RTN1: variants seen among roughly 807,000 people sequenced by gnomAD.
RTN1 encodes reticulon 1, also known as reticulon-1.
A neutral mutation model predicts 65.5 loss-of-function variants in RTN1; 25 were observed. That is an observed-to-expected ratio of 0.38 (90% CI 0.28 to 0.53). The LOEUF is 0.53. RTN1 is among the 20% of genes least tolerant of loss of function. The probability of loss-of-function intolerance (pLI) is 0.79; values close to 1 mark genes in which losing one functional copy is unlikely to be tolerated. For missense variants in RTN1, 983 were observed against 1,025.4 expected (o/e 0.96, Z 0.57); for synonymous variants, 471 against 447.6 (o/e 1.05, Z -0.66).
intron 3 of RTN1, among the ~76,000 whole-genome samples, chr14:59,625,077 T>C (rs1295912119): frequency 6.6e-6 from 1 of 152,052 alleles, no homozygotes; most frequent in Admixed American, 6.6e-5. Context: ...TCATTTCAAA[T>C]ATAAGGGAGG....
chr14:59,667,654 A>G (rs921920294), intron 3 of RTN1, among the ~76,000 whole-genome samples: 1 of 152,162 alleles, frequency 6.6e-6, no homozygotes. Context: ...CAATTAGGAA[A>G]TGAGGAAGTC....
intron 3 of RTN1, among the ~76,000 whole-genome samples, chr14:59,647,964 G>T (rs1882935906): frequency 6.6e-6 from 1 of 152,050 alleles, no homozygotes; most frequent in African/African-American, 2.4e-5. Flanking sequence ...AGGAGATCAA[G>T]ACATTAAAAG....
chr14:59,780,929 T>C (rs918753288), intron 1 of RTN1, among the ~76,000 whole-genome samples: 13 of 152,162 alleles, frequency 8.5e-5, no homozygotes, highest in African/African-American at 2.7e-4. Flanking sequence ...CAAATTCTGA[T>C]TCCATCTCCC....
chr14:59,607,585 G>T, intron 3 of RTN1, 93 bp from the exon 4 acceptor site: 1 of 1,055,292 alleles, frequency 9.5e-7, no homozygotes, highest in Non-Finnish European at 1.4e-6. Flanking sequence ...GTTGCTGTGG[G>T]TTCTCACCTG....
intron 3 of RTN1, among the ~76,000 whole-genome samples, chr14:59,670,741 G>C (rs567000103): frequency 2.5e-4 from 38 of 152,264 alleles, no homozygotes; most frequent in African/African-American, 9.1e-4. Flanking sequence ...CTAAATAAGT[G>C]TTAATATAGT....
Position 59,819,411 on chromosome 14 carries a change from ACCACCCCCCCCCCACCCCCCACCC to A in RTN1, c.241+50955_241+50978del, listed in dbSNP as rs1886888595. On this transcript the variant is annotated intron_variant, in intron 1 of 8. Coordinates refer to ENST00000267484, the MANE Select transcript of RTN1 (RefSeq NM_021136.3). ...AGCTGATTGGTGCATCCACACCACC[ACCACCCCCCCCCCACCCCCCACCC>A]CCCCCCCCCGGCCACAGCTAGACAC... 1.1e-3 allele frequency among the ~76,000 whole-genome samples: 14 copies of A among 12,734 alleles called. 4 individuals are homozygous for A. Among genetic ancestry groups the A allele is most frequent in the South Asian group, 4.8e-3 (2 of 420 alleles). The allele number at this position is 12,734 out of a possible 152,430, so 8.4% of individuals were successfully genotyped here.
chr14:59,642,536 G>A (rs754501607), intron 3 of RTN1, among the ~76,000 whole-genome samples: 1 of 151,830 alleles, frequency 6.6e-6, no homozygotes, highest in Non-Finnish European at 1.5e-5. Context: ...TGCCACTTCG[G>A]ATATTTGATA....
intron 5 of RTN1, chr14:59,604,522 T>TA (rs1274903016): frequency 1.3e-5 from 2 of 152,344 alleles, no homozygotes; most frequent in Non-Finnish European, 2.9e-5. Context: ...AGCACTAAGG[T>TA]AAGTAATTAT....
intron 3 of RTN1, among the ~76,000 whole-genome samples, chr14:59,673,667 G>A (rs1483575532): frequency 1.3e-5 from 2 of 152,130 alleles, no homozygotes; most frequent in Non-Finnish European, 2.9e-5. Context: ...CCATTTGACT[G>A]GTTAAAAGGC....
chr14:59,711,908 C>T (rs1471564426), intron 3 of RTN1, among the ~76,000 whole-genome samples: 1 of 152,134 alleles, frequency 6.6e-6, no homozygotes, highest in Non-Finnish European at 1.5e-5. Context: ...GAGCCATAGG[C>T]AAAAGTGACA....
chr14:59,709,003 A>G (rs1372021498), intron 3 of RTN1, among the ~76,000 whole-genome samples: 7 of 152,240 alleles, frequency 4.6e-5, no homozygotes, highest in African/African-American at 1.7e-4. Flanking sequence ...ATTAAAACTA[A>G]CCAACTGAAG....
At chr14:59,665,985 A>G (rs535862004) in intron 3 of RTN1, among the ~76,000 whole-genome samples, 1 of 152,302 alleles carries the variant, frequency 6.6e-6, no homozygotes, top group Non-Finnish European at 1.5e-5. Flanking sequence ...CCCACGCAAT[A>G]ATAATGGGAG....
At chr14:59,800,992 T>C (rs1594748818) in intron 1 of RTN1, among the ~76,000 whole-genome samples, 2 of 150,368 alleles carry the variant, frequency 1.3e-5, no homozygotes, top group Non-Finnish European at 3.0e-5. Context: ...TGGACACAAC[T>C]GAGGAAAGAA....
chr14:59,686,846 G>C (rs1465654462), intron 3 of RTN1, among the ~76,000 whole-genome samples: 5 of 152,186 alleles, frequency 3.3e-5, no homozygotes, highest in Admixed American at 3.3e-4. Context: ...CTGAGGCCTG[G>C]AACCAAGAAC....
intron 2 of RTN1, among the ~76,000 whole-genome samples, chr14:59,739,436 G>A (rs370158908): frequency 1.2e-4 from 19 of 152,044 alleles, no homozygotes; most frequent in African/African-American, 4.1e-4. Flanking sequence ...AGCTACTCAG[G>A]AGGCTGAGGC....
At chr14:59,856,330 C>A (rs970124546) in intron 1 of RTN1, among the ~76,000 whole-genome samples, 1 of 152,122 alleles carries the variant, frequency 6.6e-6, no homozygotes, top group East Asian at 1.9e-4. Flanking sequence ...TCCCACAAGC[C>A]CACAGGGCCA....
At chr14:59,835,573 C>G (rs928175554) in intron 1 of RTN1, among the ~76,000 whole-genome samples, 2 of 152,104 alleles carry the variant, frequency 1.3e-5, no homozygotes, top group African/African-American at 2.4e-5. Context: ...CACTAGCATT[C>G]AATAGTGATC....
intron 1 of RTN1, among the ~76,000 whole-genome samples, chr14:59,805,295 T>C (rs1886617042): frequency 6.6e-6 from 1 of 152,242 alleles, no homozygotes; most frequent in Non-Finnish European, 1.5e-5. Context: ...CCCACCAGAA[T>C]GTGAACTCCA....
At chr14:59,737,210 C>T (rs918751247) in intron 2 of RTN1, among the ~76,000 whole-genome samples, 3 of 152,052 alleles carry the variant, frequency 2.0e-5, no homozygotes, top group South Asian at 2.1e-4. Flanking sequence ...AGATAGGAAG[C>T]GAGGAAATCT....
Sources: gnomAD v4.1 joint callset for allele counts (sites outside exome capture counted in the v4.1 genomes callset) on GRCh38, gnomAD v4.1.1 for gene constraint, MANE v1.5 for transcripts, NCBI Gene and HGNC (gene_info 2026-07-23, HGNC 2026-07-21) for gene names.